Variants in HS6ST3 observed in about 807,000 individuals in gnomAD.
HS6ST3 encodes the protein heparan-sulfate 6-O-sulfotransferase 3.
HS6ST3 carries 12 observed loss-of-function variants against 36.7 expected under a neutral mutation model. The observed-to-expected ratio is 0.33, with a 90% CI of 0.21 to 0.53. The LOEUF (loss-of-function observed/expected upper bound fraction) is 0.53, where lower values mean the gene tolerates loss of function less well. Among genes scored for constraint, HS6ST3 ranks in the 20% least tolerant of loss-of-function variants. The pLI, the probability that HS6ST3 is intolerant of heterozygous loss-of-function variation, is 0.95. For synonymous variants in HS6ST3, 240 were observed against 257.5 expected (o/e 0.93, Z 0.65); for missense variants, 584 against 640.9 (o/e 0.91, Z 0.96).
intron 1 of HS6ST3, among the ~76,000 whole-genome samples, chr13:96,129,197 C>T (rs1354310616): frequency 6.6e-6 from 1 of 152,162 alleles, no homozygotes; most frequent in East Asian, 1.9e-4. Context: ...GTCTCACTTT[C>T]TAAAGTGTCT....
intron 1 of HS6ST3, among the ~76,000 whole-genome samples, chr13:96,708,170 T>C (rs573413542): frequency 1.0e-3 from 159 of 152,372 alleles, no homozygotes; most frequent in African/African-American, 3.5e-3. Context: ...ATTATGGGAC[T>C]CTGGTTTACA....
chr13:96,121,107 A>G (rs982269402), intron 1 of HS6ST3, among the ~76,000 whole-genome samples: 3 of 152,228 alleles, frequency 2.0e-5, no homozygotes, highest in Admixed American at 1.3e-4. Flanking sequence ...GTTTATTTGC[A>G]TACCTATCTG....
chr13:96,438,380 C>A (rs1241565448), intron 1 of HS6ST3, among the ~76,000 whole-genome samples: 1 of 152,154 alleles, frequency 6.6e-6, no homozygotes, highest in Non-Finnish European at 1.5e-5. Flanking sequence ...ATGTGAAATT[C>A]TTATTTTACA....
At chr13:96,393,984 T>C (rs1033190329) in intron 1 of HS6ST3, among the ~76,000 whole-genome samples, 2 of 152,198 alleles carry the variant, frequency 1.3e-5, no homozygotes, top group African/African-American at 4.8e-5. Context: ...GAAAGTAATT[T>C]TGGCAAAGAG....
At chr13:96,163,539 A>G (rs2054147477) in intron 1 of HS6ST3, among the ~76,000 whole-genome samples, 1 of 152,012 alleles carries the variant, frequency 6.6e-6, no homozygotes, top group Non-Finnish European at 1.5e-5. Context: ...CCTGTGATAC[A>G]TTTTTTAAAA....
chr13:96,149,689 G>T (rs1354685065), intron 1 of HS6ST3, among the ~76,000 whole-genome samples: 1 of 152,046 alleles, frequency 6.6e-6, no homozygotes, highest in Non-Finnish European at 1.5e-5. Context: ...CCCCTATAAT[G>T]GCAGTTTGAA....
chr13:96,664,514 C>T (rs2056657001), intron 1 of HS6ST3, among the ~76,000 whole-genome samples: 1 of 152,142 alleles, frequency 6.6e-6, no homozygotes, highest in African/African-American at 2.4e-5. Flanking sequence ...ATTAATGCTT[C>T]CTGGGAGCCC....
At chr13:96,306,394 A>G (rs769562514) in intron 1 of HS6ST3, among the ~76,000 whole-genome samples, 3 of 152,064 alleles carry the variant, frequency 2.0e-5, no homozygotes, top group Non-Finnish European at 2.9e-5. Flanking sequence ...ATATTTTAGT[A>G]GACATGGGGT....
At chr13:96,388,422 T>C (rs2139450133) in intron 1 of HS6ST3, among the ~76,000 whole-genome samples, 1 of 152,326 alleles carries the variant, frequency 6.6e-6, no homozygotes, top group African/African-American at 2.4e-5. Flanking sequence ...CTGAACTAGA[T>C]GGGGTTATAA....
At chr13:96,697,932 C>T (rs767618466) in intron 1 of HS6ST3, among the ~76,000 whole-genome samples, 5 of 152,054 alleles carry the variant, frequency 3.3e-5, no homozygotes, top group Non-Finnish European at 7.4e-5. Context: ...GGTTATCTTT[C>T]GGTGGCAAAG....
At chr13:96,369,216 T>A (rs1209892035) in intron 1 of HS6ST3, among the ~76,000 whole-genome samples, 1 of 152,088 alleles carries the variant, frequency 6.6e-6, no homozygotes, top group African/African-American at 2.4e-5. Flanking sequence ...GGTCACGCCC[T>A]CTTGCAGCAT....
chr13:96,431,256 A>AAC (rs1342988770), intron 1 of HS6ST3, among the ~76,000 whole-genome samples: 13 of 148,728 alleles, frequency 8.7e-5, no homozygotes, highest in African/African-American at 3.0e-4. Context: ...CAACAACAAC[A>AAC]AATAAACCAA....
intron 1 of HS6ST3, among the ~76,000 whole-genome samples, chr13:96,364,895 C>G (rs1445772352): frequency 6.6e-6 from 1 of 152,116 alleles, no homozygotes; most frequent in Non-Finnish European, 1.5e-5. Flanking sequence ...AGACCTTCAT[C>G]TGAAAGATGA....
At chr13:96,204,329 A>G (rs2054358783) in intron 1 of HS6ST3, among the ~76,000 whole-genome samples, 1 of 152,206 alleles carries the variant, frequency 6.6e-6, no homozygotes. Context: ...TGCACCCAAT[A>G]TAGGAGCACC....
chr13:96,660,728 G>A (rs2056643367), intron 1 of HS6ST3, among the ~76,000 whole-genome samples: 1 of 152,108 alleles, frequency 6.6e-6, no homozygotes, highest in Non-Finnish European at 1.5e-5. Flanking sequence ...AACCATGATG[G>A]TTAATATTAA....
chr13:96,607,518 A>T (rs1025411863), intron 1 of HS6ST3, among the ~76,000 whole-genome samples: 1 of 152,194 alleles, frequency 6.6e-6, no homozygotes, highest in African/African-American at 2.4e-5. Flanking sequence ...TTAAATAAAT[A>T]GTTACTTGTA....
chr13:96,792,040 G>A (rs369166717), intron 1 of HS6ST3, among the ~76,000 whole-genome samples: 8 of 151,828 alleles, frequency 5.3e-5, no homozygotes, highest in South Asian at 2.1e-4. Flanking sequence ...ACATATATAC[G>A]TGAGTGTATA....
chr13:96,798,716 A>G (rs1403415469), intron 1 of HS6ST3, among the ~76,000 whole-genome samples: 2 of 152,154 alleles, frequency 1.3e-5, no homozygotes, highest in Middle Eastern at 3.4e-3. Context: ...TTATATACGC[A>G]TCTATGTGTG....
chr13:96,824,045 C>T (rs1400676072), intron 1 of HS6ST3, among the ~76,000 whole-genome samples: 5 of 152,224 alleles, frequency 3.3e-5, no homozygotes, highest in African/African-American at 9.6e-5. Flanking sequence ...ACTATTCTTC[C>T]TTTAAAGTTA....
Sources: allele counts gnomAD v4.1 joint callset (sites outside exome capture counted in the v4.1 genomes callset), GRCh38; gene constraint gnomAD v4.1.1; transcripts MANE v1.5; gene names NCBI Gene and HGNC (gene_info 2026-07-23, HGNC 2026-07-21).